VPS53: variants seen among roughly 807,000 people sequenced by gnomAD.
The protein encoded by VPS53 is vacuolar protein sorting-associated protein 53 homolog.
In VPS53, 70 loss-of-function variants were observed where a neutral mutation model predicts 107.0. The observed-to-expected ratio is 0.65, with a 90% CI of 0.54 to 0.80. The LOEUF is 0.80. Among genes scored for constraint, VPS53 ranks in the 30% least tolerant of loss-of-function variants. The pLI, the probability that VPS53 is intolerant of heterozygous loss-of-function variation, is 0.00. For missense variants in VPS53, 917 were observed against 1,049.4 expected (o/e 0.87, Z 1.74); for synonymous variants, 409 against 393.3 (o/e 1.04, Z -0.47).
intron 17 of VPS53, chr17:537,494 T>G (rs925856223): frequency 4.3e-6 from 1 of 231,556 alleles, no homozygotes; most frequent in African/African-American, 2.3e-5. Context: ...TCCTGCCGAG[T>G]GCCCCACAGC....
intron 7 of VPS53, among the ~76,000 whole-genome samples, chr17:648,348 G>A (rs753454235): frequency 3.9e-5 from 6 of 152,284 alleles, no homozygotes; most frequent in South Asian, 2.1e-4. Context: ...TCAAGAGTTC[G>A]AGACCAGCCT....
intron 4 of VPS53, among the ~76,000 whole-genome samples, chr17:683,440 A>G (rs1001011100): frequency 2.0e-5 from 3 of 152,222 alleles, no homozygotes; most frequent in Non-Finnish European, 2.9e-5. Flanking sequence ...TTAAAAAATA[A>G]AAGCAAAATT....
At chr17:710,735 T>C in intron 1 of VPS53, 122 bp from the exon 2 acceptor site, 2 of 659,784 alleles carry the variant, frequency 3.0e-6, no homozygotes, top group South Asian at 4.3e-5. Flanking sequence ...ATCACAGCAC[T>C]TTGGGAGGCC....
At chr17:584,325 G>A (rs1199172024) in intron 13 of VPS53, among the ~76,000 whole-genome samples, 1 of 152,182 alleles carries the variant, frequency 6.6e-6, no homozygotes, top group African/African-American at 2.4e-5. Context: ...GGGATGAGGA[G>A]GAGTCTTCCT....
At chr17:549,290 G>A (rs185480179) in intron 17 of VPS53, among the ~76,000 whole-genome samples, 423 of 152,326 alleles carry the variant, frequency 2.8e-3, no homozygotes, top group Admixed American at 4.9e-3. Flanking sequence ...GAATCAATTT[G>A]TGACCACTTG....
chr17:677,971 A>T (rs1467737921), intron 4 of VPS53, among the ~76,000 whole-genome samples: 1 of 151,988 alleles, frequency 6.6e-6, no homozygotes, highest in Admixed American at 6.5e-5. Context: ...TACAAAAAAA[A>T]TTAGCCAGGC....
intron 4 of VPS53, among the ~76,000 whole-genome samples, chr17:685,880 C>T (rs1302786277): frequency 6.6e-6 from 1 of 152,094 alleles, no homozygotes; most frequent in Non-Finnish European, 1.5e-5. Flanking sequence ...GACATGGTGA[C>T]ATGCACTTGT....
In VPS53 at chr17:606,473, G is replaced by A. The variant is rs181328780; in HGVS notation, c.1117-4577C>T. Among the ~76,000 whole-genome samples the A allele has an allele frequency of 1.1e-4, 16 of 152,152 alleles. No individual in the cohort carries two copies. In the East Asian group the frequency reaches 1.9e-3, roughly 18 times the overall value. On this transcript the variant is annotated intron_variant, in intron 11 of 21. Coordinates refer to ENST00000437048, the MANE Select transcript of VPS53 (RefSeq NM_001128159.3). ...TGTCAGGCGTGAGCTACACAGTTAC[G>A]TGCTGCCATGAGGATGGGATGATGC...
intron 7 of VPS53, among the ~76,000 whole-genome samples, chr17:646,695 G>A (rs1970726686): frequency 7.2e-6 from 1 of 139,682 alleles, no homozygotes; most frequent in Non-Finnish European, 1.6e-5. Context: ...TCACGGACTG[G>A]AGACTGGCTC....
At chr17:528,501 C>T (rs1237835075) in intron 19 of VPS53, among the ~76,000 whole-genome samples, 1 of 151,742 alleles carries the variant, frequency 6.6e-6, no homozygotes, top group Non-Finnish European at 1.5e-5. Flanking sequence ...AGCTGATGGA[C>T]ATTTGAGTTG....
At chr17:694,691 G>T (rs1343583067) in intron 4 of VPS53, among the ~76,000 whole-genome samples, 3 of 152,154 alleles carry the variant, frequency 2.0e-5, no homozygotes. Flanking sequence ...ATGATAAAAT[G>T]TTTTTGTTTA....
chr17:683,180 T>C (rs1038901098), intron 4 of VPS53, among the ~76,000 whole-genome samples: 5 of 152,042 alleles, frequency 3.3e-5, no homozygotes, highest in Admixed American at 6.5e-5. Flanking sequence ...CTAAAACACA[T>C]GTAAGTAGAA....
intron 2 of VPS53, among the ~76,000 whole-genome samples, chr17:709,220 G>A (rs4968103): frequency 0.31 from 40,066 of 130,688 alleles, 5,915 homozygotes; most frequent in Middle Eastern, 0.43. Context: ...GTATCACGGC[G>A]CAGCACGCTC....
intron 4 of VPS53, among the ~76,000 whole-genome samples, chr17:662,811 A>AAGAAAG (rs1971509611): frequency 1.4e-5 from 2 of 146,952 alleles, no homozygotes; most frequent in East Asian, 2.1e-4. Flanking sequence ...GAAAGAAAAA[A>AAGAAAG]AGAAAGAAAG....
intron 4 of VPS53, among the ~76,000 whole-genome samples, chr17:662,419 G>A (rs1259478548): frequency 6.6e-6 from 1 of 152,232 alleles, no homozygotes; most frequent in Admixed American, 6.5e-5. Context: ...GCCGGACACA[G>A]TGGCTCACGC....
rs1026720860 is a variant in VPS53, at chr17:646,028, A to G, written c.608+7263T>C. 3.8e-5 allele frequency among the ~76,000 whole-genome samples: 5 copies of G among 131,414 alleles called. 1 individual carries two copies. The highest frequency in any genetic ancestry group is 1.3e-4 in the African/African-American group (5 of 37,408). 86.2% of individuals were successfully genotyped at this position (131,414 alleles called of 152,430 possible). A position where few individuals can be genotyped will look rare whatever the true frequency, so the allele number is the denominator to read the frequency against. On this transcript the variant is annotated intron_variant, in intron 7 of 21. Transcript: ENST00000437048. ...TATCACGGACTGGAGACTGGCTCCCACACACATCTCGGTGACCGCGTGGCC... is the reference window on the plus strand; with the variant it reads ...TATCACGGACTGGAGACTGGCTCCCGCACACATCTCGGTGACCGCGTGGCC...
chr17:546,093 T>G (rs553885761), intron 17 of VPS53, among the ~76,000 whole-genome samples: 14 of 152,280 alleles, frequency 9.2e-5, no homozygotes, highest in African/African-American at 3.4e-4. Flanking sequence ...ATCAAGATCA[T>G]CCAATGTGAA....
At chr17:560,375 C>T (rs1221346347) in intron 15 of VPS53, 51 bp downstream of exon 15, 2 of 1,587,384 alleles carry the variant, frequency 1.3e-6, no homozygotes, top group Admixed American at 1.7e-5. Flanking sequence ...GCGACGCAGC[C>T]CAGAGGGTTC....
chr17:618,496 A>G (rs28545053), intron 11 of VPS53, among the ~76,000 whole-genome samples: 6,363 of 112,240 alleles, frequency 0.057, 459 homozygotes, highest in African/African-American at 0.18. Flanking sequence ...GACTACAGGC[A>G]TGCGCCACCA....
Sources: gnomAD v4.1 joint callset for allele counts (sites outside exome capture counted in the v4.1 genomes callset) on GRCh38, gnomAD v4.1.1 for gene constraint, MANE v1.5 for transcripts, NCBI Gene and HGNC (gene_info 2026-07-23, HGNC 2026-07-21) for gene names.